The following SERPINI2 variants were observed in gnomAD, a reference collection of about 807,000 sequenced individuals.
SERPINI2 encodes the protein serpin I2.
In SERPINI2, 48 loss-of-function variants were observed where a neutral mutation model predicts 47.3. The ratio of observed to expected loss-of-function variants is 1.02; its 90% CI spans 0.81 to 1.29. The LOEUF (loss-of-function observed/expected upper bound fraction) is 1.29, where lower values mean the gene tolerates loss of function less well. Ranked by LOEUF, SERPINI2 falls within the 50% of genes most tolerant of loss-of-function variation. The pLI is 0.00. For missense variants in SERPINI2, 448 were observed against 456.9 expected, an observed-to-expected ratio of 0.98 and a Z score of 0.18; for synonymous variants, 135 against 149.3, an observed-to-expected ratio of 0.90 and a Z score of 0.70.
intron 2 of SERPINI2, 22 bp from the exon 3 acceptor site, chr3:167,467,307 T>C: frequency 1.3e-6 from 2 of 1,504,122 alleles, no homozygotes; most frequent in East Asian, 4.5e-5. Flanking sequence ...TTTTAATGTA[T>C]ATTGGCATAT....
At chr3:167,475,572 A>G (rs148715755), upstream of SERPINI2, among the ~76,000 whole-genome samples, 3 of 151,920 alleles carry the variant, frequency 2.0e-5, no homozygotes, top group East Asian at 5.8e-4. Flanking sequence ...TTGAGGAGTA[A>G]AAAGCAATAG....
intron 2 of SERPINI2, among the ~76,000 whole-genome samples, chr3:167,470,482 C>A (rs1342134699): frequency 6.7e-6 from 1 of 148,402 alleles, no homozygotes; most frequent in African/African-American, 2.5e-5. Context: ...TCAGAGTAAT[C>A]CAAAAGCTGA....
chr3:167,473,657 C>T lies in SERPINI2; in HGVS notation c.-11+346G>A, dbSNP rs1750401352. 3 of 569,540 alleles carry T rather than the reference C, an allele frequency of 5.3e-6. No homozygotes were observed. In the East Asian group the frequency reaches 9.5e-5, roughly 18 times the overall value. The allele number at this position is 569,540 out of a possible 1,614,324, so 35.3% of individuals were successfully genotyped here. ...TAAATTTATATTATTTGAGCATCCA[C>T]ATCCATTTTTTCTAGAAAATTTCTA... On this transcript the variant is annotated intron_variant, in intron 1 of 8. Transcript: ENST00000264677.
At chr3:167,442,163 T>A (rs183381747) in exon 9 of SERPINI2, 2 of 1,599,410 alleles carry the variant, frequency 1.3e-6, no homozygotes, top group South Asian at 2.3e-5. Context: ...GATTTGTCAC[T>A]CTTCCCATAA....
At chr3:167,444,895 T>C (rs1226818204) in intron 8 of SERPINI2, among the ~76,000 whole-genome samples, 1 of 152,088 alleles carries the variant, frequency 6.6e-6, no homozygotes. Context: ...ACCTGGAAAA[T>C]AGAGTAAAAC....
intron 7 of SERPINI2, 154 bp from the exon 8 acceptor site, chr3:167,446,635 C>G (rs1197543236): frequency 4.3e-6 from 2 of 461,082 alleles, no homozygotes; most frequent in Non-Finnish European, 7.6e-6. Flanking sequence ...GAGGAATTTG[C>G]AATAAATTTA....
chr3:167,443,324 G>A (rs969146487), intron 8 of SERPINI2, among the ~76,000 whole-genome samples: 1 of 152,058 alleles, frequency 6.6e-6, no homozygotes, highest in African/African-American at 2.4e-5. Context: ...AGCTGGGATG[G>A]TCTCGATCTC....
chr3:167,462,451 CT>C (rs1462772564), intron 5 of SERPINI2, among the ~76,000 whole-genome samples: 6 of 152,132 alleles, frequency 3.9e-5, no homozygotes, highest in Admixed American at 1.3e-4. Flanking sequence ...ATTTTTTTCC[CT>C]GTGTCTCTTC....
rs141824790 is a variant in SERPINI2, at chr3:167,467,119, C to T, written c.414G>A (p.Val138=). Residue 138 remains valine (V), a synonymous_variant, in exon 3 of 9, where the codon GTG becomes GTA. Coordinates refer to ENST00000264677, the Ensembl canonical transcript of SERPINI2. ...CACAAGCCTTTGCATCTTGAAAATC[C>T]ACCAGTTTTATAGCACTCTGAAAAA... 1,238 of 1,613,398 alleles carry T rather than the reference C, an allele frequency of 7.7e-4. 1 individual carries two copies. Among genetic ancestry groups the T allele is most frequent in the Non-Finnish European group, 9.6e-4 (1,130 of 1,179,684 alleles).
chr3:167,446,362 G>C lies in SERPINI2; in HGVS notation c.1141+30C>G, dbSNP rs1426456544. On this transcript the variant is annotated intron_variant, in intron 8 of 8. Coordinates refer to ENST00000264677, the Ensembl canonical transcript of SERPINI2. ...GAACTAGTTCTGCTTAACATAATCAGTTCCCCCAAATAATTCTCAAAAAAG... is the reference window on the plus strand; with the variant it reads ...GAACTAGTTCTGCTTAACATAATCACTTCCCCCAAATAATTCTCAAAAAAG... The C allele has an allele frequency of 3.5e-6, 5 of 1,436,846 alleles. No individual in the cohort carries two copies. The Admixed American group carries it at 8.8e-5, about 25-fold the overall frequency. The allele number at this position is 1,436,846 out of a possible 1,614,324, so 89.0% of individuals were successfully genotyped here. A position where few individuals can be genotyped will look rare whatever the true frequency, so the allele number is the denominator to read the frequency against.
At chr3:167,444,899 G>C (rs1046360357) in intron 8 of SERPINI2, among the ~76,000 whole-genome samples, 1 of 152,076 alleles carries the variant, frequency 6.6e-6, no homozygotes, top group Non-Finnish European at 1.5e-5. Flanking sequence ...GGAAAATAGA[G>C]TAAAACATAA....
chr3:167,465,662 CTT>C lies in SERPINI2; in HGVS notation c.488_489del (p.Lys163ArgfsTer42). ...CCAAATTCTTCCCCTGAAAACATGTCTTTAATTTTTCCTAGGAAGTGGGTGGA... is the reference window on the plus strand; with the variant it reads ...CCAAATTCTTCCCCTGAAAACATGTCTAATTTTTCCTAGGAAGTGGGTGGA... On this transcript the variant is annotated frameshift_variant, in exon 4 of 9. Coordinates refer to ENST00000264677, the Ensembl canonical transcript of SERPINI2. LOFTEE classifies it high-confidence loss of function. 6.2e-7 allele frequency: 1 copy of C among 1,606,766 alleles called. No individual in the cohort carries two copies. The highest frequency in any genetic ancestry group is 8.5e-7 in the Non-Finnish European group (1 of 1,177,964).
At chr3:167,473,654 C>T in intron 1 of SERPINI2, 1 of 549,560 alleles carries the variant, frequency 1.8e-6, no homozygotes, top group Non-Finnish European at 3.0e-6. Flanking sequence ...ATTTGAGCAT[C>T]CACATCCATT....
At chr3:167,456,795 C>T (rs1749807522) in intron 5 of SERPINI2, among the ~76,000 whole-genome samples, 1 of 152,072 alleles carries the variant, frequency 6.6e-6, no homozygotes, top group African/African-American at 2.4e-5. Flanking sequence ...GGGGGGCCAC[C>T]TATTACAATG....
At position 167,453,135 on chromosome 3, in the gene SERPINI2, T is replaced by C. The variant is rs1489498143; in HGVS notation, c.867-102A>G. On this transcript the variant is annotated intron_variant, in intron 5 of 8. Coordinates refer to ENST00000264677, the Ensembl canonical transcript of SERPINI2. ...TTAGAGGATAATATATTGTAAAATCTTTTGTTTTTATTATCTCAATTACAT... is the reference window on the plus strand; with the variant it reads ...TTAGAGGATAATATATTGTAAAATCCTTTGTTTTTATTATCTCAATTACAT... The C allele has an allele frequency of 5.3e-6, 3 of 567,490 alleles. No individual in the cohort carries two copies. The African/African-American group carries it at 5.8e-5, about 11-fold the overall frequency. The allele number at this position is 567,490 out of a possible 1,614,324, so 35.2% of individuals were successfully genotyped here.
intron 5 of SERPINI2, among the ~76,000 whole-genome samples, chr3:167,455,821 CAG>C (rs750201767): frequency 8.5e-5 from 13 of 152,114 alleles, no homozygotes; most frequent in South Asian, 2.1e-4. Context: ...GGAAGAGAAA[CAG>C]GGGGCAGGGG....
At chr3:167,459,366 G>A (rs867305046) in intron 5 of SERPINI2, among the ~76,000 whole-genome samples, 10 of 152,162 alleles carry the variant, frequency 6.6e-5, no homozygotes, top group South Asian at 2.1e-4. Context: ...GAGCCACCGC[G>A]CCCGGCCCCA....
At position 167,460,773 on chromosome 3, in the gene SERPINI2, G is replaced by C. The variant is rs993243892; in HGVS notation, c.866+4433C>G. Reference sequence around the variant, plus strand: ...TAGAGTGACCGGAAAGTTGAATTCTGGTTTTTAAGATATTTAAAATTAAAT... The same window carrying C: ...TAGAGTGACCGGAAAGTTGAATTCTCGTTTTTAAGATATTTAAAATTAAAT... On this transcript the variant is annotated intron_variant, in intron 5 of 8. Transcript: ENST00000264677. Among the ~76,000 whole-genome samples, 4 of 152,072 alleles carry C rather than the reference G, an allele frequency of 2.6e-5. No individual in the cohort carries two copies. In the East Asian group the frequency reaches 7.7e-4, roughly 29 times the overall value.
At chr3:167,453,848 C>G (rs1749712198) in intron 5 of SERPINI2, among the ~76,000 whole-genome samples, 1 of 151,656 alleles carries the variant, frequency 6.6e-6, no homozygotes, top group Non-Finnish European at 1.5e-5. Context: ...AAAGCAATCA[C>G]TGAACCTCAC....
Sources: gnomAD v4.1 joint callset for allele counts (sites outside exome capture counted in the v4.1 genomes callset) on GRCh38, gnomAD v4.1.1 for gene constraint, MANE v1.5 for transcripts, NCBI Gene and HGNC (gene_info 2026-07-23, HGNC 2026-07-21) for gene names.